CACNA1C: variants seen among roughly 807,000 people sequenced by gnomAD.
CACNA1C encodes the protein voltage-dependent L-type calcium channel subunit alpha-1C.
CACNA1C carries 30 observed loss-of-function variants against 229.0 expected under a neutral mutation model. That is an observed-to-expected ratio of 0.13 (90% CI 0.10 to 0.18). CACNA1C has a LOEUF of 0.18. Among genes scored for constraint, CACNA1C ranks in the 10% least tolerant of loss-of-function variants. The pLI, the probability that CACNA1C is intolerant of heterozygous loss-of-function variation, is 1.00. For synonymous variants in CACNA1C, 1,114 were observed against 1,132.5 expected (o/e 0.98, Z 0.33); for missense variants, 1,658 against 2,845.0 (o/e 0.58, Z 9.49).
intron 18 of CACNA1C, among the ~76,000 whole-genome samples, chr12:2,592,917 A>G (rs1212604175): frequency 6.6e-6 from 1 of 152,028 alleles, no homozygotes. Context: ...AGGATGACCA[A>G]CGACCCCAGT....
chr12:2,240,619 T>G (rs533392184), intron 3 of CACNA1C, among the ~76,000 whole-genome samples: 1 of 152,300 alleles, frequency 6.6e-6, no homozygotes, highest in Non-Finnish European at 1.5e-5. Context: ...AGCGTCAGCG[T>G]TGGGCACACC....
At chr12:2,440,146 C>G (rs1161549108) in intron 3 of CACNA1C, among the ~76,000 whole-genome samples, 1 of 152,178 alleles carries the variant, frequency 6.6e-6, no homozygotes, top group Non-Finnish European at 1.5e-5. Context: ...ACACAATTTA[C>G]CATTCTAACC....
intron 3 of CACNA1C, among the ~76,000 whole-genome samples, chr12:2,225,377 A>G (rs2062672310): frequency 6.6e-6 from 1 of 152,264 alleles, no homozygotes. Flanking sequence ...CACAAATAAC[A>G]GTAGCATAAA....
chr12:2,355,058 A>G (rs550607226), intron 3 of CACNA1C, among the ~76,000 whole-genome samples: 5 of 151,974 alleles, frequency 3.3e-5, no homozygotes, highest in South Asian at 2.1e-4. Flanking sequence ...TATTAAACCT[A>G]CTGCAGCAAA....
At chr12:2,302,495 C>T (rs1386194215) in intron 3 of CACNA1C, among the ~76,000 whole-genome samples, 1 of 152,022 alleles carries the variant, frequency 6.6e-6, no homozygotes, top group Non-Finnish European at 1.5e-5. Context: ...TTGGAAGTTC[C>T]TCCCCTTGTG....
At chr12:2,079,500 C>T (rs534347310) in intron 1 of CACNA1C, among the ~76,000 whole-genome samples, 1 of 152,220 alleles carries the variant, frequency 6.6e-6, no homozygotes, top group Admixed American at 6.5e-5. Context: ...GAGTTGAGAA[C>T]TGAAGAGCTC....
chr12:2,367,504 C>G (rs1158460690), intron 3 of CACNA1C, among the ~76,000 whole-genome samples: 3 of 152,084 alleles, frequency 2.0e-5, no homozygotes, highest in Admixed American at 2.0e-4. Flanking sequence ...GTTAAACACT[C>G]TTATTATTAA....
At chr12:2,683,280 C>T (rs2097269996) in intron 43 of CACNA1C, among the ~76,000 whole-genome samples, 1 of 152,200 alleles carries the variant, frequency 6.6e-6, no homozygotes, top group African/African-American at 2.4e-5. Flanking sequence ...CGTCAAACGT[C>T]ACAAAGGTAA....
rs2053212779 is a variant in CACNA1C at position 2,053,778 on chromosome 12, C to A, written c.49+167C>A. 6.6e-6 allele frequency among the ~76,000 whole-genome samples: 1 copy of A among 150,590 alleles called. No individual in the cohort carries two copies. ...CGGAGCGCCCGGGAGCCCGGCGGGA[C>A]CGGGGCCCGAACCGCCGCGCGAGAC... On this transcript the variant is annotated intron_variant, in intron 1 of 46. Coordinates refer to ENST00000399655, the MANE Select transcript of CACNA1C (RefSeq NM_000719.7). This position sits in a 1 kb window ranked among gnomAD's most constrained non-coding sequence, Gnocchi z 5.8.
intron 29 of CACNA1C, among the ~76,000 whole-genome samples, chr12:2,623,450 C>T (rs1239380669): frequency 3.9e-5 from 6 of 152,124 alleles, no homozygotes; most frequent in African/African-American, 4.8e-5. Context: ...TCACCTTTTC[C>T]GTGTAATAAA....
intron 1 of CACNA1C, among the ~76,000 whole-genome samples, chr12:2,076,219 G>C (rs2063133843): frequency 6.6e-6 from 1 of 152,064 alleles, no homozygotes; most frequent in African/African-American, 2.4e-5. Flanking sequence ...CATGTGCTAG[G>C]GTTTTTTGTT....
rs571951463 is a variant in CACNA1C at position 2,323,828 on chromosome 12, G to C, written c.478-125148G>C. 2.6e-5 allele frequency among the ~76,000 whole-genome samples: 4 copies of C among 152,136 alleles called. No individual in the cohort carries two copies. The East Asian group carries it at 7.7e-4, about 29-fold the overall frequency. On this transcript the variant is annotated intron_variant, in intron 3 of 46. Coordinates refer to ENST00000399655, the MANE Select transcript of CACNA1C (RefSeq NM_000719.7). ...GTCCGTGCAGGGAGGAGCTTTTGGT[G>C]GGGGAGGGGGTTGGGGCAGGGACCT...
intron 1 of CACNA1C, among the ~76,000 whole-genome samples, chr12:2,104,759 G>A (rs781623250): frequency 4.6e-5 from 7 of 152,094 alleles, no homozygotes; most frequent in Non-Finnish European, 8.8e-5. Context: ...CCTTAACTAG[G>A]GCCTGTAATT....
chr12:2,550,572 G>T, intron 10 of CACNA1C: 1 of 1,351,832 alleles, frequency 7.4e-7, no homozygotes. Context: ...AGTGGAGCCT[G>T]CTGTTCTGTT....
intron 1 of CACNA1C, among the ~76,000 whole-genome samples, chr12:2,060,925 A>G (rs1167201168): frequency 1.3e-5 from 2 of 152,238 alleles, no homozygotes; most frequent in Admixed American, 6.5e-5. Flanking sequence ...CTTTATAACC[A>G]TTGTGTCATG....
At chr12:2,039,037 T>G (rs1005390465) in intron 1 of CACNA1C, among the ~76,000 whole-genome samples, 1 of 152,204 alleles carries the variant, frequency 6.6e-6, no homozygotes, top group Non-Finnish European at 1.5e-5. Context: ...ACAATGTCCA[T>G]AGGTAGGAAA....
At chr12:2,620,317 C>G (rs1369141431) in intron 29 of CACNA1C, among the ~76,000 whole-genome samples, 1 of 152,168 alleles carries the variant, frequency 6.6e-6, no homozygotes, top group East Asian at 1.9e-4. Context: ...TCCTGGGATT[C>G]TATTGCAGGC....
At position 2,053,102 on chromosome 12, in the gene CACNA1C, G is replaced by A. The variant is rs2052780513; in HGVS notation, c.-461G>A. 1 of 984,692 alleles carries A rather than the reference G, an allele frequency of 1.0e-6. No individual in the cohort carries two copies. Among genetic ancestry groups the A allele is most frequent in the Non-Finnish European group, 1.2e-6 (1 of 829,588 alleles). 61.0% of individuals were successfully genotyped at this position (984,692 alleles called of 1,614,324 possible). ...CCTGCCTCCGCGCCCAGGAGTTGCC[G>A]GCTCCCTTTGACAGCAGAGAGCCGG... On this transcript the variant is annotated 5_prime_UTR_variant, in exon 1 of 47. Coordinates refer to ENST00000399655, the MANE Select transcript of CACNA1C (RefSeq NM_000719.7). This position sits in a 1 kb window ranked among gnomAD's most constrained non-coding sequence, Gnocchi z 5.8.
At chr12:2,191,570 A>G (rs1332618092) in intron 3 of CACNA1C, among the ~76,000 whole-genome samples, 4 of 152,122 alleles carry the variant, frequency 2.6e-5, no homozygotes, top group Admixed American at 2.0e-4. Context: ...ATGCACTCAC[A>G]TGTACTCAAG....
Sources: gnomAD v4.1 joint callset for allele counts (sites outside exome capture counted in the v4.1 genomes callset) on GRCh38, gnomAD v4.1.1 for gene constraint, Gnocchi (gnomAD v3.1) non-coding constraint, MANE v1.5 for transcripts, NCBI Gene and HGNC (gene_info 2026-07-23, HGNC 2026-07-21) for gene names.